KRABD2: variants seen among roughly 807,000 people sequenced by gnomAD.
KRABD2 encodes KRAB domain containing 2, also known as KRAB domain-containing protein 2.
At chr17:8,371,896 C>A in the KRABD2 span, 1 of 999,774 alleles carries the variant, frequency 1.0e-6, no homozygotes, top group East Asian at 1.0e-4. Flanking sequence ...TCAGATAATT[C>A]CTTAGGGAGA....
the KRABD2 span, chr17:8,372,025 A>T: frequency 1.0e-6 from 1 of 985,582 alleles, no homozygotes. The surrounding 1 kb of genome is among the most constrained non-coding windows in gnomAD (Gnocchi z 4.1). Context: ...AAGCTTAGGA[A>T]AACAGGATCC....
At chr17:8,361,255 G>C in the KRABD2 span, among the ~76,000 whole-genome samples, 1 of 152,202 alleles carries the variant, frequency 6.6e-6, no homozygotes, top group South Asian at 2.1e-4. Flanking sequence ...TGGGGTTCTA[G>C]AAGAGGTAGG....
the KRABD2 span, among the ~76,000 whole-genome samples, chr17:8,361,032 C>T: frequency 6.6e-6 from 1 of 152,152 alleles, no homozygotes; most frequent in Non-Finnish European, 1.5e-5. Context: ...TCAAAAAAAC[C>T]ACTGGTAATA....
chr17:8,359,589 G>C, the KRABD2 span: 1 of 456,078 alleles, frequency 2.2e-6, no homozygotes, highest in Non-Finnish European at 4.4e-6. Context: ...GCTAGAGAAG[G>C]GGGTAGGTAA....
chr17:8,374,969 A>G, the KRABD2 span, among the ~76,000 whole-genome samples: 3 of 146,036 alleles, frequency 2.1e-5, no homozygotes, highest in South Asian at 2.2e-4. Context: ...AAAAAATTCA[A>G]TGTTTCACCT....
chr17:8,371,166 TC>T, the KRABD2 span: 1 of 699,454 alleles, frequency 1.4e-6, no homozygotes, highest in Non-Finnish European at 2.3e-6. Flanking sequence ...CGAGACTGTT[TC>T]AAAAAAAAAA....
the KRABD2 span, among the ~76,000 whole-genome samples, chr17:8,362,365 C>T: frequency 2.6e-5 from 4 of 151,860 alleles, no homozygotes; most frequent in African/African-American, 9.7e-5. The surrounding 1 kb of genome is among the most constrained non-coding windows in gnomAD (Gnocchi z 4.2). Flanking sequence ...AAGCTCAATA[C>T]TAATACTGTA....
At chr17:8,374,937 C>CAAAAAAAAAAAAAAAAAAAAAAA in the KRABD2 span, among the ~76,000 whole-genome samples, 24 of 46,180 alleles carry the variant, frequency 5.2e-4, no homozygotes, top group South Asian at 1.2e-3. Context: ...GACTCTGTCA[C>CAAAAAAAAAAAAAAAAAAAAAAA]AAAAAAAAAA....
the KRABD2 span, chr17:8,375,872 C>G: frequency 4.9e-6 from 6 of 1,224,714 alleles, no homozygotes; most frequent in Non-Finnish European, 5.1e-6. Context: ...GAAATATTTC[C>G]AAAGCCATGT....
the KRABD2 span, chr17:8,376,584 T>A: frequency 5.1e-6 from 5 of 986,294 alleles, no homozygotes; most frequent in African/African-American, 1.7e-5. Context: ...GCTGAACGGC[T>A]GAGGCGGGCG....
chr17:8,369,642 G>A, the KRABD2 span: 1 of 1,614,242 alleles, frequency 6.2e-7, no homozygotes, highest in South Asian at 1.1e-5. Context: ...GCCACTGTCA[G>A]AGTCTAACAC....
At chr17:8,360,283 AAATGATAATAAT>A in the KRABD2 span, among the ~76,000 whole-genome samples, 1 of 151,690 alleles carries the variant, frequency 6.6e-6, no homozygotes, top group Non-Finnish European at 1.5e-5. Flanking sequence ...ATCCAAACCA[AAATGATAATAAT>A]AATGATAATA....
the KRABD2 span, among the ~76,000 whole-genome samples, chr17:8,363,830 C>CATAT: frequency 0.016 from 1,392 of 86,838 alleles, 24 homozygotes; most frequent in South Asian, 0.046. Flanking sequence ...ATATATCATA[C>CATAT]ATATATATAT....
chr17:8,364,419 C>T, the KRABD2 span, among the ~76,000 whole-genome samples: 4 of 152,200 alleles, frequency 2.6e-5, no homozygotes, highest in African/African-American at 4.8e-5. This position sits in a 1 kb window ranked among gnomAD's most constrained non-coding sequence, Gnocchi z 4.4. Flanking sequence ...GTGATACGAT[C>T]ATGGCTCACT....
the KRABD2 span, among the ~76,000 whole-genome samples, chr17:8,362,133 AC>A: frequency 6.6e-6 from 1 of 152,076 alleles, no homozygotes; most frequent in Non-Finnish European, 1.5e-5. This position sits in a 1 kb window ranked among gnomAD's most constrained non-coding sequence, Gnocchi z 4.2. Flanking sequence ...ATCAAGACCG[AC>A]CGTCCTGGCT....
At chr17:8,367,157 T>G in the KRABD2 span, 1 of 152,260 alleles carries the variant, frequency 6.6e-6, no homozygotes, top group Non-Finnish European at 1.5e-5. Flanking sequence ...AGTTCTTGTT[T>G]TGCAGACATA....
the KRABD2 span, chr17:8,371,951 C>T: frequency 2.0e-6 from 2 of 989,868 alleles, no homozygotes; most frequent in Non-Finnish European, 2.4e-6. Flanking sequence ...TTAGTCAGAA[C>T]AGCCGTAAGA....
chr17:8,359,351 A>T, the KRABD2 span: 1 of 347,230 alleles, frequency 2.9e-6, no homozygotes, highest in Non-Finnish European at 5.6e-6. Flanking sequence ...CTCTAATACA[A>T]AGTAGGCAGG....
At chr17:8,372,231 T>G in the KRABD2 span, 1 of 180,240 alleles carries the variant, frequency 5.5e-6, no homozygotes, top group African/African-American at 2.4e-5. This position sits in a 1 kb window ranked among gnomAD's most constrained non-coding sequence, Gnocchi z 4.1. Context: ...ATATTCCTGA[T>G]TCTAAGACAT....
Sources: allele counts gnomAD v4.1 joint callset (sites outside exome capture counted in the v4.1 genomes callset), GRCh38; gene constraint gnomAD v4.1.1; non-coding constraint Gnocchi (gnomAD v3.1); transcripts MANE v1.5; gene names NCBI Gene and HGNC (gene_info 2026-07-23, HGNC 2026-07-21).